The following RASSF3 variants were observed in gnomAD, a reference collection of about 807,000 sequenced individuals.
RASSF3 encodes Ras association domain family member 3.
Under a neutral mutation model 19.9 loss-of-function variants are expected in RASSF3, and 19 were observed. That is an observed-to-expected ratio of 0.96 (90% CI 0.67 to 1.40). RASSF3 has a LOEUF of 1.40. Among genes scored for constraint, RASSF3 ranks in the 40% most tolerant of loss-of-function variants. The pLI, the probability that RASSF3 is intolerant of heterozygous loss-of-function variation, is 0.00. For missense variants in RASSF3, 306 were observed against 289.8 expected (o/e 1.06, Z -0.41); for synonymous variants, 110 against 104.2 (o/e 1.06, Z -0.34).
At position 64,663,526 on chromosome 12, in the gene RASSF3, A is replaced by T. The variant is rs1191214171; in HGVS notation, c.112-21261A>T. On this transcript the variant is annotated intron_variant, in intron 1 of 4. Transcript: ENST00000542104. ...GTTTACACCTGCAATTGTTATTGTT[A>T]TTTTTTTTTTTTTGAGATGAAGTCT... 4.7e-5 allele frequency among the ~76,000 whole-genome samples: 7 copies of T among 147,408 alleles called. No individual in the cohort carries two copies. In the South Asian group the frequency reaches 1.5e-3, roughly 31 times the overall value.
At chr12:64,641,056 T>A (rs1404497577) in intron 1 of RASSF3, among the ~76,000 whole-genome samples, 6 of 152,138 alleles carry the variant, frequency 3.9e-5, no homozygotes, top group African/African-American at 7.2e-5. Context: ...ATATACTTAT[T>A]TAACGTCAAT....
At chr12:64,541,777 C>G, downstream of RASSF3, 1 of 397,676 alleles carries the variant, frequency 2.5e-6, no homozygotes, top group African/African-American at 2.1e-5. Flanking sequence ...ATAGAATGGT[C>G]TTTTTATCTC....
At chr12:64,575,753 A>C (rs1443227110) in intron 2 of RASSF3, 1 of 151,520 alleles carries the variant, frequency 6.6e-6, no homozygotes, top group African/African-American at 2.4e-5. Context: ...TGGAAAAAGA[A>C]AAAAAAAACA....
intron 1 of RASSF3, among the ~76,000 whole-genome samples, chr12:64,676,021 T>A (rs1195618446): frequency 2.0e-5 from 3 of 150,974 alleles, no homozygotes. Context: ...AAGCATTGAG[T>A]CTCTAGATGT....
intron 2 of RASSF3, among the ~76,000 whole-genome samples, chr12:64,588,794 G>A (rs1030885300): frequency 2.6e-5 from 4 of 151,914 alleles, no homozygotes; most frequent in East Asian, 1.9e-4. Flanking sequence ...GCATTTCTCC[G>A]TGGTTTTAAG....
chr12:64,543,459 GCTCCCCACCCGCCTGCCCACCCCCCA>G (rs1868987029), downstream of RASSF3, among the ~76,000 whole-genome samples: 1 of 5,906 alleles, frequency 1.7e-4, no homozygotes, highest in Non-Finnish European at 4.1e-4. Context: ...CCCGCCCCCC[GCTCCCCACCCGCCTGCCCACCCCCCA>G]CTCCCCCACT....
At chr12:64,554,511 G>A (rs939440580) in intron 2 of RASSF3, among the ~76,000 whole-genome samples, 9 of 152,120 alleles carry the variant, frequency 5.9e-5, no homozygotes, top group African/African-American at 2.2e-4. Flanking sequence ...CGCCATGTTG[G>A]CCAGGCTGGT....
chr12:64,539,969 C>A (rs988053598), intron 1 of RASSF3, among the ~76,000 whole-genome samples: 1 of 151,966 alleles, frequency 6.6e-6, no homozygotes, highest in Non-Finnish European at 1.5e-5. Context: ...TTCAGGCAGT[C>A]CCATCACTCA....
chr12:64,622,130 A>T (rs1870794203), intron 1 of RASSF3, among the ~76,000 whole-genome samples: 1 of 152,070 alleles, frequency 6.6e-6, no homozygotes, highest in Non-Finnish European at 1.5e-5. Context: ...GGCTCACTGC[A>T]ATCTCTGCCT....
At chr12:64,652,500 A>G (rs1322516523) in intron 1 of RASSF3, among the ~76,000 whole-genome samples, 2 of 147,636 alleles carry the variant, frequency 1.4e-5, no homozygotes, top group East Asian at 4.1e-4. Context: ...CCTCCTGAGT[A>G]GCTTGGACCA....
chr12:64,621,507 C>T (rs967454708), intron 1 of RASSF3, among the ~76,000 whole-genome samples: 9 of 151,774 alleles, frequency 5.9e-5, no homozygotes, highest in Non-Finnish European at 1.0e-4. Context: ...GATGGAGTTT[C>T]GGTCATGTTG....
At chr12:64,620,516 A>T (rs1364414800) in intron 1 of RASSF3, among the ~76,000 whole-genome samples, 1 of 152,206 alleles carries the variant, frequency 6.6e-6, no homozygotes, top group Non-Finnish European at 1.5e-5. Flanking sequence ...TTTTTGAGGA[A>T]TACTATACTG....
chr12:64,584,708 G>T (rs1869763914), intron 2 of RASSF3, among the ~76,000 whole-genome samples: 1 of 151,902 alleles, frequency 6.6e-6, no homozygotes, highest in Admixed American at 6.6e-5. Context: ...GGAGGTGGAG[G>T]TGAGGAGTGG....
intron 1 of RASSF3, among the ~76,000 whole-genome samples, chr12:64,675,044 A>AGC: frequency 1.6e-5 from 1 of 63,204 alleles, no homozygotes; most frequent in African/African-American, 6.8e-5. Context: ...ATACCCACCT[A>AGC]GCCCCCCCCC....
chr12:64,556,620 C>T (rs866216652), intron 2 of RASSF3, among the ~76,000 whole-genome samples: 3 of 151,962 alleles, frequency 2.0e-5, no homozygotes, highest in Non-Finnish European at 2.9e-5. Context: ...GGTCTGCAGC[C>T]GGGGCCATCA....
intron 2 of RASSF3, among the ~76,000 whole-genome samples, chr12:64,567,885 G>A (rs940301092): frequency 6.6e-6 from 1 of 152,212 alleles, no homozygotes; most frequent in African/African-American, 2.4e-5. Flanking sequence ...TTTCCATCGG[G>A]CAGGGTGAAG....
rs541872794 is a variant in RASSF3, at chr12:64,646,591, T to C, written c.111+35848T>C. ...TTTCTGAATGGACCCTCCCTACCCA[T>C]CTACTGTAAGTTAACATTGTCCAAA... On this transcript the variant is annotated intron_variant, in intron 1 of 4. Coordinates refer to ENST00000542104, the MANE Select transcript of RASSF3 (RefSeq NM_178169.4). Among the ~76,000 whole-genome samples, 6 of 152,322 alleles carry C rather than the reference T, an allele frequency of 3.9e-5. No individual in the cohort carries two copies. In the East Asian group the frequency reaches 1.2e-3, roughly 29 times the overall value.
chr12:64,658,218 T>C (rs2136195931), intron 1 of RASSF3, among the ~76,000 whole-genome samples: 1 of 152,334 alleles, frequency 6.6e-6, no homozygotes, highest in Admixed American at 6.5e-5. Context: ...ACATATTTTT[T>C]TTTAAAGCTA....
chr12:64,665,442 T>C (rs1240524837), intron 1 of RASSF3, among the ~76,000 whole-genome samples: 1 of 152,140 alleles, frequency 6.6e-6, no homozygotes, highest in Non-Finnish European at 1.5e-5. Flanking sequence ...TTTTAACTTA[T>C]TATTAAACAC....
Sources: allele counts gnomAD v4.1 joint callset (sites outside exome capture counted in the v4.1 genomes callset), GRCh38; gene constraint gnomAD v4.1.1; transcripts MANE v1.5; gene names NCBI Gene and HGNC (gene_info 2026-07-23, HGNC 2026-07-21).